The following CSMD1 variants were observed in gnomAD, a reference collection of about 807,000 sequenced individuals.
CSMD1 encodes CUB and sushi domain-containing protein 1.
In CSMD1, 213 loss-of-function variants were observed where a neutral mutation model predicts 417.5. That is an observed-to-expected ratio of 0.51 (90% confidence interval 0.46 to 0.57). The LOEUF is 0.57. Among genes scored for constraint, CSMD1 ranks in the 20% least tolerant of loss-of-function variants. CSMD1 has a pLI of 0.00. For missense variants in CSMD1, 6,923 were observed against 4,529.7 expected (o/e 1.53, Z -15.17); for synonymous variants, 2,862 against 1,736.8 (o/e 1.65, Z -16.11).
intron 1 of CSMD1, among the ~76,000 whole-genome samples, chr8:4,781,878 G>C (rs960056045): frequency 6.6e-6 from 1 of 152,162 alleles, no homozygotes; most frequent in Non-Finnish European, 1.5e-5. Context: ...CAGGAACATG[G>C]AGTGACTTAT....
At chr8:3,527,277 G>A (rs572507217) in intron 10 of CSMD1, among the ~76,000 whole-genome samples, 1 of 152,132 alleles carries the variant, frequency 6.6e-6, no homozygotes, top group South Asian at 2.1e-4. Flanking sequence ...ATTATAATGG[G>A]AGAAATCAGC....
At chr8:4,506,005 C>T (rs1188583524) in intron 2 of CSMD1, among the ~76,000 whole-genome samples, 1 of 151,894 alleles carries the variant, frequency 6.6e-6, no homozygotes, top group East Asian at 1.9e-4. Flanking sequence ...AATATGTTGC[C>T]CAGGCTGGTC....
intron 2 of CSMD1, among the ~76,000 whole-genome samples, chr8:4,492,082 G>A (rs1351413516): frequency 6.6e-6 from 1 of 151,898 alleles, no homozygotes; most frequent in Non-Finnish European, 1.5e-5. Context: ...AAAAAGACAT[G>A]AAGAAAATAT....
chr8:3,088,053 T>G (rs546693553), intron 48 of CSMD1, among the ~76,000 whole-genome samples: 1 of 152,244 alleles, frequency 6.6e-6, no homozygotes, highest in African/African-American at 2.4e-5. Flanking sequence ...GGGATTTGAA[T>G]GAAATCTTTG....
chr8:4,583,046 G>T (rs555785017), intron 2 of CSMD1, among the ~76,000 whole-genome samples: 2 of 152,198 alleles, frequency 1.3e-5, no homozygotes, highest in African/African-American at 4.8e-5. Context: ...CTTCTCACCC[G>T]GCGTTAGCTG....
At chr8:4,937,756 G>C (rs1490746072) in intron 1 of CSMD1, among the ~76,000 whole-genome samples, 3 of 151,474 alleles carry the variant, frequency 2.0e-5, no homozygotes, top group African/African-American at 4.8e-5. Context: ...ATCTGATCTA[G>C]AGAGAAGTTT....
chr8:3,036,272 C>G (rs912711544), intron 50 of CSMD1, among the ~76,000 whole-genome samples: 7 of 152,144 alleles, frequency 4.6e-5, no homozygotes, highest in Non-Finnish European at 1.5e-5. Context: ...AGTGAGATTA[C>G]CATAAATAAA....
Position 4,241,094 on chromosome 8 carries a change from T to C in CSMD1, c.415+178859A>G, listed in dbSNP as rs903690745. Among the ~76,000 whole-genome samples the C allele has an allele frequency of 5.9e-5, 9 of 152,282 alleles. No homozygotes were observed. In the South Asian group the frequency reaches 6.2e-4, roughly 11 times the overall value. On this transcript the variant is annotated intron_variant, in intron 3 of 69. Coordinates refer to ENST00000635120, the MANE Select transcript of CSMD1 (RefSeq NM_033225.6). ...ATCGCTGAATTACTTATCCTCTACA[T>C]AGAATCCTCTAAACCTGTGTTTCAA...
intron 10 of CSMD1, among the ~76,000 whole-genome samples, chr8:3,544,555 A>C (rs749442770): frequency 4.6e-5 from 7 of 151,990 alleles, no homozygotes; most frequent in Non-Finnish European, 7.4e-5. Context: ...TGTTTCTTGC[A>C]TGAGATCCAA....
chr8:4,937,946 T>G (rs1807733775), intron 1 of CSMD1, among the ~76,000 whole-genome samples: 1 of 152,244 alleles, frequency 6.6e-6, no homozygotes, highest in South Asian at 2.1e-4. Flanking sequence ...ATTTTGTTTT[T>G]ATTAATTTTA....
chr8:3,442,657 T>C (rs1815060176), intron 12 of CSMD1, among the ~76,000 whole-genome samples: 1 of 152,202 alleles, frequency 6.6e-6, no homozygotes, highest in African/African-American at 2.4e-5. Context: ...TTGCATACTG[T>C]TGAAATCATC....
At chr8:3,515,406 T>G (rs1341646538) in intron 10 of CSMD1, 1 of 152,198 alleles carries the variant, frequency 6.6e-6, no homozygotes. Flanking sequence ...AAAATGTTGG[T>G]GAAGTTTAGA....
intron 3 of CSMD1, among the ~76,000 whole-genome samples, chr8:4,055,285 T>C (rs34133906): frequency 1.3e-5 from 2 of 152,266 alleles, no homozygotes; most frequent in Middle Eastern, 6.8e-3. Flanking sequence ...TGTATTATTG[T>C]TTTTCTCTAG....
intron 18 of CSMD1, among the ~76,000 whole-genome samples, chr8:3,373,997 G>C (rs934441494): frequency 4.7e-5 from 7 of 149,964 alleles, no homozygotes; most frequent in African/African-American, 1.7e-4. Flanking sequence ...TCTTTGCCCA[G>C]GCTGGAGTGC....
intron 2 of CSMD1, among the ~76,000 whole-genome samples, chr8:4,460,075 C>T (rs149340102): frequency 4.6e-5 from 7 of 152,130 alleles, no homozygotes; most frequent in Non-Finnish European, 7.4e-5. Context: ...TTTTCAAGGG[C>T]GTATGAAACA....
At position 4,059,944 on chromosome 8, in the gene CSMD1, G is replaced by T. The variant is rs988930422; in HGVS notation, c.416-27845C>A. On this transcript the variant is annotated intron_variant, in intron 3 of 69. Transcript: ENST00000635120. ...GGGAATCCTCCCTAACTCATTTCAT[G>T]AGGCCAGCATCATCCTGATACCAAA... 2.8e-4 allele frequency among the ~76,000 whole-genome samples: 42 copies of T among 152,150 alleles called. No homozygotes were observed. The Middle Eastern group carries it at 0.017, about 62-fold the overall frequency.
At chr8:4,877,295 T>A (rs540756835) in intron 1 of CSMD1, among the ~76,000 whole-genome samples, 19 of 152,186 alleles carry the variant, frequency 1.2e-4, no homozygotes, top group Non-Finnish European at 2.6e-4. Context: ...ACAGGAAATA[T>A]AAGATTGGCT....
intron 1 of CSMD1, among the ~76,000 whole-genome samples, chr8:4,836,204 T>C (rs182792958): frequency 6.6e-6 from 1 of 152,246 alleles, no homozygotes; most frequent in Non-Finnish European, 1.5e-5. Context: ...CAGGCATTCA[T>C]CTACCTTGAG....
intron 12 of CSMD1, among the ~76,000 whole-genome samples, chr8:3,462,918 G>C (rs1019509542): frequency 1.3e-5 from 2 of 152,180 alleles, no homozygotes; most frequent in Non-Finnish European, 2.9e-5. Flanking sequence ...ATGACATGAT[G>C]AGGGTGGAGC....
Sources: allele counts gnomAD v4.1 joint callset (sites outside exome capture counted in the v4.1 genomes callset), GRCh38; gene constraint gnomAD v4.1.1; transcripts MANE v1.5; gene names NCBI Gene and HGNC (gene_info 2026-07-23, HGNC 2026-07-21).